Variants in SEMA4D observed in about 807,000 individuals in gnomAD.
The protein encoded by SEMA4D is semaphorin 4D, also known as semaphorin-4D.
SEMA4D carries 22 observed loss-of-function variants against 74.8 expected under a neutral mutation model. That is an observed-to-expected ratio of 0.29 (90% confidence interval 0.21 to 0.42). SEMA4D has a LOEUF of 0.42. SEMA4D is among the 10% of genes least tolerant of loss of function. The pLI is 1.00. For synonymous variants in SEMA4D, 445 were observed against 463.7 expected, an observed-to-expected ratio of 0.96 and a Z score of 0.52; for missense variants, 937 against 1,118.4, an observed-to-expected ratio of 0.84 and a Z score of 2.31.
rs145449894 is a variant in SEMA4D, at chr9:89,363,592, C to G, written c.2093-65G>C. The G allele has an allele frequency of 6.6e-4, 1,053 of 1,604,530 alleles. 7 individuals carry two copies. The African/African-American group carries it at 0.012, about 19-fold the overall frequency. Reference sequence around the variant, plus strand: ...GCCTTTATGGCACCCTTGATGCCCACTGGCCACCTTTCTCAATGGAAAGCC... The same window carrying G: ...GCCTTTATGGCACCCTTGATGCCCAGTGGCCACCTTTCTCAATGGAAAGCC... On this transcript the variant is annotated intron_variant, in intron 17 of 18. Coordinates refer to the SEMA4D transcript ENST00000339861.
chr9:89,480,057 A>G (rs1862807025), intron 1 of SEMA4D, among the ~76,000 whole-genome samples: 1 of 152,106 alleles, frequency 6.6e-6, no homozygotes. Context: ...AGTTAGATAC[A>G]GAGTTTCCAC....
At chr9:89,475,063 C>T (rs577017356) in intron 1 of SEMA4D, among the ~76,000 whole-genome samples, 19 of 152,210 alleles carry the variant, frequency 1.2e-4, no homozygotes, top group Non-Finnish European at 2.2e-4. Flanking sequence ...GGGCCCACCC[C>T]GGAGGAGGCT....
chr9:89,460,889 A>T (rs183975836), intron 1 of SEMA4D, among the ~76,000 whole-genome samples: 1 of 152,262 alleles, frequency 6.6e-6, no homozygotes, highest in East Asian at 1.9e-4. Flanking sequence ...ACCTAGCCTC[A>T]TATGTGGCCA....
At chr9:89,458,343 C>T (rs556506914) in intron 1 of SEMA4D, among the ~76,000 whole-genome samples, 1 of 152,278 alleles carries the variant, frequency 6.6e-6, no homozygotes, top group Admixed American at 6.5e-5. Flanking sequence ...GCAACCGATA[C>T]ATACCACAGT....
Position 89,392,424 on chromosome 9 carries a change from G to A in SEMA4D, c.621C>T (p.Asn207=), listed in dbSNP as rs371952126. 18 of 1,605,274 alleles carry A rather than the reference G, an allele frequency of 1.1e-5. No homozygotes were observed. The highest frequency in any genetic ancestry group is 1.7e-4 in the Middle Eastern group (1 of 5,986). Residue 207 remains asparagine, a splice_region_variant and synonymous_variant, in exon 8 of 16, where the codon AAC becomes AAT. Transcript: ENST00000422704. ...CTAAGGTGCACTGCTCTTCCTTACCGTTCAGCCAAGGGATTGCATATTCTG... is the reference window on the plus strand; with the variant it reads ...CTAAGGTGCACTGCTCTTCCTTACCATTCAGCCAAGGGATTGCATATTCTG... ...LRTEYAIPWL[N]EPSFVFADVI...
intron 2 of SEMA4D, among the ~76,000 whole-genome samples, chr9:89,435,714 C>T (rs11265891): frequency 0.5 from 76,259 of 152,046 alleles, 19,566 homozygotes; most frequent in African/African-American, 0.62. Flanking sequence ...GCTCCACCTA[C>T]GCCCCACCCG....
chr9:89,386,462 C>T lies in SEMA4D; in HGVS notation c.1351G>A (p.Ala451Thr), dbSNP rs796926927. ...TGAACAGCGTGCTCGAGGCTGATGG[C>T]TTTGTGCAGAGCTCCCCGGTCTGCA... is the stretch of plus-strand genomic sequence containing the variant. ...VSTDRGALHKAISLEHAVHII... is the reference protein window; with the variant it reads ...VSTDRGALHKTISLEHAVHII... The change falls in exon 13 of 16, where the codon GCC becomes ACC. Residue 451 changes from alanine (A) to threonine (T), a missense_variant. Transcript: ENST00000422704. The T allele has an allele frequency of 3.7e-6, 6 of 1,614,010 alleles. No homozygotes were observed. In the African/African-American group the frequency reaches 6.7e-5, roughly 18 times the overall value.
Position 89,363,551 on chromosome 9 carries a change from G to A in SEMA4D, c.2093-24C>T, listed in dbSNP as rs754837161. On this transcript the variant is annotated intron_variant, in intron 17 of 18. Transcript: ENST00000339861. ...TTCTGGAAAACAAGCAGGGTCCCCA[G>A]GTCAAAGCTCTGTGGGCCTTTATGG... 3.1e-6 allele frequency: 5 copies of A among 1,613,490 alleles called. No homozygotes were observed. In the Admixed American group the frequency reaches 8.3e-5, roughly 27 times the overall value.
chr9:89,491,140 C>T (rs969340791), intron 1 of SEMA4D, among the ~76,000 whole-genome samples: 4 of 152,236 alleles, frequency 2.6e-5, no homozygotes, highest in Non-Finnish European at 4.4e-5. Flanking sequence ...TGGGACTCCA[C>T]GTGGAAAGCA....
chr9:89,441,117 T>C (rs557288695), intron 2 of SEMA4D, among the ~76,000 whole-genome samples: 1 of 152,258 alleles, frequency 6.6e-6, no homozygotes, highest in Non-Finnish European at 1.5e-5. Flanking sequence ...CGCCCTCTGC[T>C]GCGTCCACTG....
At chr9:89,442,169 GAGACAT>G (rs780271714) in intron 2 of SEMA4D, among the ~76,000 whole-genome samples, 11,075 of 152,086 alleles carry the variant, frequency 0.073, 606 homozygotes, top group East Asian at 0.29. Flanking sequence ...CTTCAGGCCA[GAGACAT>G]GGTTTGCTGC....
chr9:89,456,639 G>A (rs540718697), intron 1 of SEMA4D, among the ~76,000 whole-genome samples: 8 of 152,272 alleles, frequency 5.3e-5, no homozygotes, highest in South Asian at 2.1e-4. Context: ...GGAGCGCAGC[G>A]GCACGATCTC....
chr9:89,402,716 G>T (rs1842473374), intron 4 of SEMA4D, among the ~76,000 whole-genome samples, 155 bp downstream of exon 4: 1 of 151,758 alleles, frequency 6.6e-6, no homozygotes, highest in Non-Finnish European at 1.5e-5. Context: ...TGGTCCCCGG[G>T]TGAACTGCTG....
intron 2 of SEMA4D, among the ~76,000 whole-genome samples, chr9:89,415,833 C>T (rs1416826296): frequency 6.6e-6 from 1 of 152,174 alleles, no homozygotes; most frequent in African/African-American, 2.4e-5. Context: ...AGAACCCAGC[C>T]AGCAGAGATG....
chr9:89,467,452 C>T (rs1859030316), intron 1 of SEMA4D, among the ~76,000 whole-genome samples: 1 of 151,104 alleles, frequency 6.6e-6, no homozygotes, highest in South Asian at 2.1e-4. Flanking sequence ...CTTTGAGTTA[C>T]CTGAACTTCT....
chr9:89,400,571 G>C (rs1841981497), intron 4 of SEMA4D, among the ~76,000 whole-genome samples: 1 of 152,182 alleles, frequency 6.6e-6, no homozygotes, highest in African/African-American at 2.4e-5. Flanking sequence ...ACAGTACTAA[G>C]GGAGTGTCAT....
At chr9:89,402,209 A>G (rs1417106056) in intron 4 of SEMA4D, among the ~76,000 whole-genome samples, 1 of 152,198 alleles carries the variant, frequency 6.6e-6, no homozygotes, top group African/African-American at 2.4e-5. Flanking sequence ...GTTTAAAGAC[A>G]CCGAGGAATC....
At chr9:89,435,166 C>T in intron 2 of SEMA4D, among the ~76,000 whole-genome samples, 1 of 152,078 alleles carries the variant, frequency 6.6e-6, no homozygotes, top group East Asian at 1.9e-4. Flanking sequence ...GGACAGAAAT[C>T]CCCACTAAGA....
intron 1 of SEMA4D, among the ~76,000 whole-genome samples, chr9:89,458,304 G>A (rs909801307): frequency 2.0e-5 from 3 of 152,108 alleles, no homozygotes; most frequent in Admixed American, 1.3e-4. Flanking sequence ...CTGAGCTTCC[G>A]TATTAGGGCT....
Sources: allele counts gnomAD v4.1 joint callset (sites outside exome capture counted in the v4.1 genomes callset), GRCh38; gene constraint gnomAD v4.1.1; transcripts MANE v1.5; gene names NCBI Gene and HGNC (gene_info 2026-07-23, HGNC 2026-07-21).